The following OPCML variants were observed in gnomAD, a reference collection of about 807,000 sequenced individuals.
OPCML encodes opioid binding protein/cell adhesion molecule like, also known as opioid-binding protein/cell adhesion molecule.
A neutral mutation model predicts 37.8 loss-of-function variants in OPCML; 13 were observed. That is an observed-to-expected ratio of 0.34 (90% CI 0.22 to 0.55). OPCML has a LOEUF of 0.55. Among genes scored for constraint, OPCML ranks in the 20% least tolerant of loss-of-function variants. OPCML has a pLI of 0.91. For synonymous variants in OPCML, 176 were observed against 168.8 expected, an observed-to-expected ratio of 1.04 and a Z score of -0.33; for missense variants, 341 against 435.6, an observed-to-expected ratio of 0.78 and a Z score of 1.93.
chr11:133,051,849 G>C (rs1426734957), intron 1 of OPCML, among the ~76,000 whole-genome samples: 1 of 152,180 alleles, frequency 6.6e-6, no homozygotes, highest in Non-Finnish European at 1.5e-5. Flanking sequence ...TTTCCAGATG[G>C]ACAGCTCTGC....
chr11:133,395,084 T>C (rs1945257908), intron 1 of OPCML, among the ~76,000 whole-genome samples: 1 of 152,228 alleles, frequency 6.6e-6, no homozygotes, highest in African/African-American at 2.4e-5. Context: ...GGTGAGATGA[T>C]ATATCATTGT....
intron 2 of OPCML, among the ~76,000 whole-genome samples, chr11:132,657,638 AT>A (rs1330232154): frequency 6.6e-6 from 1 of 152,142 alleles, no homozygotes; most frequent in Admixed American, 6.5e-5. Context: ...TCTTGAGCAC[AT>A]TTACCACCTT....
rs148319889 is a variant in OPCML, at chr11:133,039,243, G to C, written c.62-96233C>G. Among the ~76,000 whole-genome samples the C allele has an allele frequency of 5.9e-5, 9 of 152,306 alleles. No individual in the cohort carries two copies. In the East Asian group the frequency reaches 1.7e-3, roughly 29 times the overall value. ...CCCCTGAAAAGGTAAGGCAACATCTGTATGCTGCAGCAGGAGCCAACCTCC... is the reference window on the plus strand; with the variant it reads ...CCCCTGAAAAGGTAAGGCAACATCTCTATGCTGCAGCAGGAGCCAACCTCC... On this transcript the variant is annotated intron_variant, in intron 1 of 7. Transcript: ENST00000524381.
At chr11:132,814,639 T>A (rs903936360) in intron 2 of OPCML, among the ~76,000 whole-genome samples, 3 of 152,188 alleles carry the variant, frequency 2.0e-5, no homozygotes, top group Admixed American at 6.5e-5. Flanking sequence ...GCTAATCTCA[T>A]CCTGAGACAC....
At chr11:133,514,601 C>A (rs1409383796) in intron 1 of OPCML, among the ~76,000 whole-genome samples, 2 of 152,080 alleles carry the variant, frequency 1.3e-5, no homozygotes, top group African/African-American at 2.4e-5. Flanking sequence ...ATATTTAGGA[C>A]AATTCTCACT....
intron 2 of OPCML, among the ~76,000 whole-genome samples, chr11:132,668,855 A>G (rs2135809575): frequency 6.6e-6 from 1 of 152,260 alleles, no homozygotes; most frequent in African/African-American, 2.4e-5. Context: ...TGTTTTTTCA[A>G]AAATGTCTTA....
chr11:133,414,805 A>C (rs1264791081), intron 1 of OPCML, among the ~76,000 whole-genome samples: 1 of 152,098 alleles, frequency 6.6e-6, no homozygotes, highest in Non-Finnish European at 1.5e-5. Flanking sequence ...TCTCAACCCC[A>C]GTATTCTCTG....
intron 2 of OPCML, among the ~76,000 whole-genome samples, chr11:132,861,696 G>A (rs80252616): frequency 0.039 from 5,968 of 152,120 alleles, 164 homozygotes; most frequent in East Asian, 0.12. Flanking sequence ...TTAGCCAGGC[G>A]TGGTGGCGTG....
At chr11:132,531,151 C>T (rs1359287277) in intron 3 of OPCML, among the ~76,000 whole-genome samples, 2 of 152,184 alleles carry the variant, frequency 1.3e-5, no homozygotes, top group African/African-American at 2.4e-5. Context: ...GTGTAAATCA[C>T]ACAGGCTGAC....
chr11:132,498,665 T>C (rs1005556592), intron 4 of OPCML, among the ~76,000 whole-genome samples: 1 of 152,136 alleles, frequency 6.6e-6, no homozygotes, highest in Non-Finnish European at 1.5e-5. Context: ...TTTTCATGTT[T>C]AGTAGTTTGA....
chr11:133,305,975 T>C (rs866883879), intron 1 of OPCML, among the ~76,000 whole-genome samples: 4 of 152,224 alleles, frequency 2.6e-5, no homozygotes, highest in African/African-American at 7.2e-5. Context: ...CATCGTTATT[T>C]CAACTGAAAG....
intron 1 of OPCML, among the ~76,000 whole-genome samples, chr11:133,131,433 C>T (rs1227999014): frequency 6.6e-6 from 1 of 152,106 alleles, no homozygotes; most frequent in East Asian, 1.9e-4. Flanking sequence ...CATATGTCAT[C>T]AGAGAATGAC....
At chr11:132,635,424 A>G (rs536306968) in intron 3 of OPCML, among the ~76,000 whole-genome samples, 4 of 152,192 alleles carry the variant, frequency 2.6e-5, no homozygotes, top group South Asian at 2.1e-4. Flanking sequence ...GATGGCTTAT[A>G]TGAAAGGTCC....
intron 3 of OPCML, among the ~76,000 whole-genome samples, chr11:132,605,482 T>C (rs1938225210): frequency 6.6e-6 from 1 of 151,922 alleles, no homozygotes; most frequent in African/African-American, 2.4e-5. Flanking sequence ...GAGAATAGCC[T>C]GAACCCGGGA....
chr11:133,366,658 A>G (rs1332892093), intron 1 of OPCML, among the ~76,000 whole-genome samples: 1 of 152,226 alleles, frequency 6.6e-6, no homozygotes, highest in East Asian at 1.9e-4. Flanking sequence ...TCTCAAAAAA[A>G]AAGAATACCC....
intron 1 of OPCML, among the ~76,000 whole-genome samples, chr11:133,168,148 T>A (rs1325059780): frequency 1.3e-5 from 2 of 152,222 alleles, no homozygotes; most frequent in African/African-American, 4.8e-5. Flanking sequence ...TAGGTGACCA[T>A]TAAGTCTGCT....
intron 1 of OPCML, among the ~76,000 whole-genome samples, chr11:133,363,260 G>A (rs750520370): frequency 6.6e-6 from 1 of 152,188 alleles, no homozygotes; most frequent in African/African-American, 2.4e-5. Context: ...CTTCCTACAC[G>A]TGCCGTAGGA....
At chr11:132,970,239 G>A (rs1308580665) in intron 1 of OPCML, among the ~76,000 whole-genome samples, 1 of 152,034 alleles carries the variant, frequency 6.6e-6, no homozygotes, top group Non-Finnish European at 1.5e-5. Flanking sequence ...TCATTTTACT[G>A]TTTGAAAATC....
At chr11:132,879,982 A>C (rs1034088686) in intron 2 of OPCML, among the ~76,000 whole-genome samples, 11 of 152,178 alleles carry the variant, frequency 7.2e-5, no homozygotes, top group African/African-American at 2.7e-4. Flanking sequence ...TCTTGTCTTC[A>C]ATTAACCTTC....
Sources: allele counts gnomAD v4.1 joint callset (sites outside exome capture counted in the v4.1 genomes callset), GRCh38; gene constraint gnomAD v4.1.1; transcripts MANE v1.5; gene names NCBI Gene and HGNC (gene_info 2026-07-23, HGNC 2026-07-21).